The following STAG2 variants were observed in gnomAD, a reference collection of about 807,000 sequenced individuals.
STAG2 encodes STAG2 cohesin complex component, also known as cohesin subunit SA-2.
Under a neutral mutation model 108.1 loss-of-function variants are expected in STAG2, and 14 were observed. That is an observed-to-expected ratio of 0.13 (90% CI 0.09 to 0.20). The LOEUF is 0.20. Among genes scored for constraint, STAG2 ranks in the 10% least tolerant of loss-of-function variants. The pLI is 1.00. For missense variants in STAG2, 440 were observed against 940.9 expected (o/e 0.47, Z 6.96); for synonymous variants, 307 against 302.7 (o/e 1.01, Z -0.15).
intron 1 of STAG2, among the ~76,000 whole-genome samples, chrX:123,980,389 G>T (rs2054820726): frequency 9.0e-6 from 1 of 111,106 alleles, no homozygotes; most frequent in Non-Finnish European, 1.9e-5. Flanking sequence ...AGAGGTAGGA[G>T]AAAATTTAGG....
chrX:124,065,925 A>G lies in STAG2; in HGVS notation c.2075A>G (p.Lys692Arg), dbSNP rs1255065900. Residue 692 changes from lysine (K) to arginine (R), a missense_variant, in exon 21 of 35, where the codon AAG becomes AGG. By Grantham distance (26) the Lys-to-Arg change is conservative. Around this residue, in one of 3 missense-constraint regions of STAG2, gnomAD observed 337 missense variants for 649.3 expected, o/e 0.52. Coordinates refer to ENST00000371145, the MANE Select transcript of STAG2 (RefSeq NM_001042750.2). ...DDAYQVLSTLKRITAFHNAHD... is the reference protein window; with the variant it reads ...DDAYQVLSTLRRITAFHNAHD... ...GCATATCAGGTATTGTCAACATTGA[A>G]GAGGATCACTGCTTTTCATAAGTAA... is the stretch of plus-strand genomic sequence containing the variant. 1.4e-5 allele frequency: 16 copies of G among 1,175,549 alleles called. No homozygotes were observed. Among genetic ancestry groups the G allele is most frequent in the Non-Finnish European group, 1.7e-5 (15 of 878,782 alleles).
intron 6 of STAG2, among the ~76,000 whole-genome samples, chrX:124,038,014 T>C (rs1226782008): frequency 9.0e-6 from 1 of 111,488 alleles, no homozygotes; most frequent in East Asian, 2.8e-4. Flanking sequence ...TGAATAACAG[T>C]AAGTAAGCAA....
chrX:124,074,401 T>G (rs1362088751), intron 25 of STAG2, among the ~76,000 whole-genome samples: 1 of 112,952 alleles, frequency 8.9e-6, no homozygotes, highest in Admixed American at 9.4e-5. Context: ...AACAAATATT[T>G]CAATGCTTAG....
chrX:124,009,463 A>G (rs1235035897), intron 1 of STAG2, among the ~76,000 whole-genome samples: 5 of 109,641 alleles, frequency 4.6e-5, no homozygotes, highest in African/African-American at 1.7e-4. Flanking sequence ...AGATAGATAG[A>G]TAGATAGATA....
intron 22 of STAG2, 37 bp from the exon 23 acceptor site, chrX:124,066,317 CTT>C (rs768526761): frequency 4.2e-6 from 5 of 1,189,748 alleles, no homozygotes; most frequent in Admixed American, 2.2e-5. Context: ...AGTCTTGTGA[CTT>C]TTAAATTTTA....
At chrX:124,050,419 GC>G in intron 11 of STAG2, 110 bp downstream of exon 11, 1 of 834,605 alleles carries the variant, frequency 1.2e-6, no homozygotes, top group Non-Finnish European at 1.6e-6. Context: ...ATTTCTGGAA[GC>G]CTCCCCTTTA....
chrX:124,001,216 G>A lies in STAG2; in HGVS notation c.-162-20151G>A, dbSNP rs778192771. On this transcript the variant is annotated intron_variant, in intron 1 of 34. Transcript: ENST00000371145. ...AGCGATTCTCCTGCCTCAGCCTCCC[G>A]AGTAGCTGGGACTACAGGCGCGTGC... Among the ~76,000 whole-genome samples the A allele has an allele frequency of 7.2e-5, 8 of 110,549 alleles. No individual in the cohort carries two copies. The East Asian group carries it at 1.7e-3, about 24-fold the overall frequency.
intron 1 of STAG2, among the ~76,000 whole-genome samples, chrX:123,992,291 A>G (rs1415016774): frequency 9.0e-6 from 1 of 111,712 alleles, no homozygotes; most frequent in African/African-American, 3.3e-5. Context: ...CCTTAATTTT[A>G]TTTATTATTA....
At chrX:123,961,308 C>CA (rs934435644), upstream of STAG2, 2 of 109,439 alleles carry the variant, frequency 1.8e-5, no homozygotes, top group African/African-American at 6.7e-5. Flanking sequence ...GACCCCCCCC[C>CA]CCCATGGGTG....
chrX:124,055,711 T>C (rs544852671), intron 13 of STAG2, among the ~76,000 whole-genome samples: 2 of 112,010 alleles, frequency 1.8e-5, no homozygotes, highest in African/African-American at 6.5e-5. Context: ...TGATGTGATA[T>C]AAATGGGCCA....
intron 34 of STAG2, among the ~76,000 whole-genome samples, chrX:124,097,992 T>C (rs950664996): frequency 2.7e-5 from 3 of 109,477 alleles, no homozygotes; most frequent in Non-Finnish European, 5.7e-5. Context: ...ACTTTTAACA[T>C]TCGTTTTCTT....
chrX:124,063,616 G>A (rs758275340), intron 19 of STAG2, among the ~76,000 whole-genome samples: 1 of 111,814 alleles, frequency 8.9e-6, no homozygotes, highest in Non-Finnish European at 1.9e-5. Context: ...GTATATGTTA[G>A]CATTCTCACC....
intron 17 of STAG2, 89 bp from the exon 18 acceptor site, chrX:124,062,813 A>G (rs1175754229): frequency 1.5e-6 from 1 of 656,989 alleles, no homozygotes; most frequent in Non-Finnish European, 2.3e-6. Context: ...ATATAGTTTT[A>G]GTAATCATTT....
chrX:123,996,033 A>G (rs1243496899), intron 1 of STAG2, among the ~76,000 whole-genome samples: 1 of 112,514 alleles, frequency 8.9e-6, no homozygotes, highest in Non-Finnish European at 1.9e-5. Flanking sequence ...AAATCTCTAA[A>G]GTCTTGACAG....
intron 19 of STAG2, 93 bp from the exon 20 acceptor site, chrX:124,063,755 T>C: frequency 4.2e-6 from 3 of 709,228 alleles, no homozygotes; most frequent in Non-Finnish European, 6.4e-6. Flanking sequence ...CTTACTGTAT[T>C]TGAAAATTTT....
intron 1 of STAG2, among the ~76,000 whole-genome samples, chrX:123,984,646 T>G (rs1328770485): frequency 9.0e-6 from 1 of 111,697 alleles, no homozygotes; most frequent in Non-Finnish European, 1.9e-5. Context: ...AATATTTTAT[T>G]TAATTTAAAT....
chrX:124,071,385 A>G, intron 25 of STAG2, 62 bp downstream of exon 25: 3 of 910,349 alleles, frequency 3.3e-6, no homozygotes, highest in Non-Finnish European at 4.5e-6. Flanking sequence ...CTTAAGTAAC[A>G]ATGATGTACA....
chrX:123,983,974 C>CTTTTCTTTTTTTTTTT (rs1168788249), intron 1 of STAG2, among the ~76,000 whole-genome samples: 7 of 61,478 alleles, frequency 1.1e-4, no homozygotes, highest in South Asian at 7.8e-4. Flanking sequence ...CTTTTCTTTT[C>CTTTTCTTTTTTTTTTT]TTTTTTTTTT....
chrX:124,018,809 G>T (rs777341077), intron 1 of STAG2, among the ~76,000 whole-genome samples: 1 of 110,754 alleles, frequency 9.0e-6, no homozygotes, highest in East Asian at 2.8e-4. Context: ...CCTGCAAATT[G>T]TATTTATATG....
Sources: gnomAD v4.1 joint callset for allele counts (sites outside exome capture counted in the v4.1 genomes callset) on GRCh38, gnomAD v4.1.1 for gene constraint, gnomAD v4.1.1 regional missense constraint, MANE v1.5 for transcripts, NCBI Gene and HGNC (gene_info 2026-07-23, HGNC 2026-07-21) for gene names.